Variants in PRKAR1A observed in about 807,000 individuals in gnomAD.
The protein encoded by PRKAR1A is protein kinase cAMP-dependent type I regulatory subunit alpha.
In PRKAR1A, 3 loss-of-function variants were observed where a neutral mutation model predicts 52.0. The ratio of observed to expected loss-of-function variants is 0.06; its 90% CI spans 0.03 to 0.15. PRKAR1A has a LOEUF of 0.15. Ranked by LOEUF, PRKAR1A falls within the 10% of genes least tolerant of loss-of-function variation. PRKAR1A has a pLI of 1.00. For synonymous variants in PRKAR1A, 188 were observed against 168.4 expected (o/e 1.12, Z -0.90); for missense variants, 240 against 477.4 (o/e 0.50, Z 4.63).
the PRKAR1A span, among the ~76,000 whole-genome samples, chr17:68,491,380 C>T: frequency 1.3e-5 from 2 of 152,214 alleles, no homozygotes; most frequent in Non-Finnish European, 2.9e-5. Context: ...GCGTGAGCCA[C>T]CGCGCCCAGC....
chr17:68,452,876 G>T, the PRKAR1A span: 15 of 1,593,462 alleles, frequency 9.4e-6, no homozygotes, highest in Non-Finnish European at 1.3e-5. Context: ...TGGTTCTCCT[G>T]CAGATCCCTG....
At chr17:68,436,767 C>T in the PRKAR1A span, among the ~76,000 whole-genome samples, 5 of 152,078 alleles carry the variant, frequency 3.3e-5, no homozygotes, top group Non-Finnish European at 2.9e-5. Flanking sequence ...CACTTTGAGG[C>T]GGGCGGATCA....
At chr17:68,486,510 T>TTCC in the PRKAR1A span, among the ~76,000 whole-genome samples, 149 of 38,016 alleles carry the variant, frequency 3.9e-3, no homozygotes, top group African/African-American at 7.5e-3. Flanking sequence ...TCCTTCCTTC[T>TTCC]TTCTTTCTTT....
At chr17:68,516,321 C>T (rs1009450678) in intron 2 of PRKAR1A, among the ~76,000 whole-genome samples, 2 of 151,948 alleles carry the variant, frequency 1.3e-5, no homozygotes, top group Non-Finnish European at 2.9e-5. Context: ...CCTCAAGAAA[C>T]GATGAATGAA....
chr17:68,453,980 T>C, the PRKAR1A span, among the ~76,000 whole-genome samples: 1 of 152,204 alleles, frequency 6.6e-6, no homozygotes, highest in African/African-American at 2.4e-5. Context: ...AACTCTGCTT[T>C]CTACTATATC....
intron 11 of PRKAR1A, chr17:68,539,885 C>T: frequency 1.2e-6 from 2 of 1,614,016 alleles, no homozygotes; most frequent in Non-Finnish European, 1.7e-6. Flanking sequence ...GGAAGCTCAC[C>T]CTCTGGCGTT....
chr17:68,516,688 G>A (rs1398384068), intron 2 of PRKAR1A, among the ~76,000 whole-genome samples: 2 of 151,526 alleles, frequency 1.3e-5, no homozygotes, highest in Non-Finnish European at 2.9e-5. Flanking sequence ...TTTAAAAACT[G>A]ATTGTTAAAA....
At chr17:68,430,057 T>C in the PRKAR1A span, 1 of 1,614,214 alleles carries the variant, frequency 6.2e-7, no homozygotes, top group Admixed American at 1.7e-5. Context: ...GCAAAAGCCC[T>C]GTCCTGATGC....
chr17:68,485,189 A>G, the PRKAR1A span, among the ~76,000 whole-genome samples: 1 of 152,232 alleles, frequency 6.6e-6, no homozygotes, highest in Non-Finnish European at 1.5e-5. Flanking sequence ...ACGCACATAG[A>G]ACAATTTGCC....
At chr17:68,451,971 G>A in the PRKAR1A span, among the ~76,000 whole-genome samples, 2 of 152,126 alleles carry the variant, frequency 1.3e-5, no homozygotes, top group African/African-American at 4.8e-5. Flanking sequence ...CACAAAAATG[G>A]TGTAATAACA....
chr17:68,436,770 G>A, the PRKAR1A span, among the ~76,000 whole-genome samples: 1 of 152,136 alleles, frequency 6.6e-6, no homozygotes, highest in Non-Finnish European at 1.5e-5. Context: ...TTTGAGGCGG[G>A]CGGATCACTT....
chr17:68,442,534 T>C, the PRKAR1A span, among the ~76,000 whole-genome samples: 4 of 151,504 alleles, frequency 2.6e-5, no homozygotes, highest in Non-Finnish European at 4.4e-5. Context: ...AGCAACCCTG[T>C]CCTCTGGGGG....
chr17:68,545,912 G>T (rs781555744), intron 11 of PRKAR1A, among the ~76,000 whole-genome samples: 5 of 152,204 alleles, frequency 3.3e-5, no homozygotes, highest in Non-Finnish European at 5.9e-5. Context: ...GCTCATGCCT[G>T]TAATCCAAGC....
the PRKAR1A span, among the ~76,000 whole-genome samples, chr17:68,504,334 G>T: frequency 1.3e-5 from 2 of 152,036 alleles, no homozygotes; most frequent in African/African-American, 4.8e-5. Context: ...AGGCATGGTG[G>T]TGCACACCTG....
upstream of PRKAR1A, among the ~76,000 whole-genome samples, chr17:68,510,141 CAT>C (rs112768795): frequency 3.4e-4 from 41 of 120,556 alleles, no homozygotes; most frequent in African/African-American, 1.2e-3. Context: ...TACTGAACAC[CAT>C]ATATATATAT....
chr17:68,457,565 TCCCCA>T, the PRKAR1A span: 2,205 of 94,574 alleles, frequency 0.023, 88 homozygotes, highest in African/African-American at 0.11. Context: ...CCCCGCCCCG[TCCCCA>T]CCCCGCCCCT....
the PRKAR1A span, chr17:68,457,496 C>A: frequency 3.9e-6 from 5 of 1,276,184 alleles, no homozygotes; most frequent in South Asian, 3.9e-5. Context: ...GCCGGCTCCA[C>A]GGGCCGGGTC....
At chr17:68,538,932 G>A (rs1056655091) in intron 11 of PRKAR1A, among the ~76,000 whole-genome samples, 4 of 152,146 alleles carry the variant, frequency 2.6e-5, no homozygotes, top group Admixed American at 2.0e-4. Flanking sequence ...ATCCTTAAGC[G>A]CAGGTTTTGT....
At chr17:68,468,273 C>T in the PRKAR1A span, among the ~76,000 whole-genome samples, 113,458 of 151,954 alleles carry the variant, frequency 0.75, 42,757 homozygotes, top group Middle Eastern at 0.8. Context: ...TTGATATCTG[C>T]ATCTGGGGCT....
Sources: gnomAD v4.1 joint callset for allele counts (sites outside exome capture counted in the v4.1 genomes callset) on GRCh38, gnomAD v4.1.1 for gene constraint, MANE v1.5 for transcripts, NCBI Gene and HGNC (gene_info 2026-07-23, HGNC 2026-07-21) for gene names.